GPAT4: variants seen among roughly 807,000 people sequenced by gnomAD.
The protein encoded by GPAT4 is 1-AGP acyltransferase 6.
In GPAT4, 17 loss-of-function variants were observed where a neutral mutation model predicts 58.0. That is an observed-to-expected ratio of 0.29 (90% CI 0.20 to 0.44). The LOEUF is 0.44. Ranked by LOEUF, GPAT4 falls within the 20% of genes least tolerant of loss-of-function variation. The pLI is 1.00. For synonymous variants in GPAT4, 204 were observed against 210.1 expected (o/e 0.97, Z 0.25); for missense variants, 377 against 574.5 (o/e 0.66, Z 3.51).
At chr8:41,600,240 ATGT>A (rs1356664583) in intron 2 of GPAT4, among the ~76,000 whole-genome samples, 1 of 151,826 alleles carries the variant, frequency 6.6e-6, no homozygotes, top group Non-Finnish European at 1.5e-5. Context: ...GGGTTTCACC[ATGT>A]TGTCCAGGCT....
Position 41,599,045 on chromosome 8 carries a change from T to C in GPAT4, c.-95T>C, listed in dbSNP as rs1334611867. 3 of 1,489,052 alleles carry C rather than the reference T, an allele frequency of 2.0e-6. No homozygotes were observed. Among genetic ancestry groups the C allele is most frequent in the East Asian group, 2.3e-5 (1 of 43,648 alleles). 92.2% of individuals were successfully genotyped at this position (1,489,052 alleles called of 1,614,324 possible). On this transcript the variant is annotated 5_prime_UTR_variant, in exon 2 of 13. Transcript: ENST00000396987. Reference sequence around the variant, plus strand: ...GGTTTGCTGTTCTTCGGGAACTTGCTTCCTTTCCCTGGCTGGTGCTGTCAG... The same window carrying C: ...GGTTTGCTGTTCTTCGGGAACTTGCCTCCTTTCCCTGGCTGGTGCTGTCAG...
chr8:41,616,139 A>C (rs1322496160), intron 10 of GPAT4, among the ~76,000 whole-genome samples: 1 of 152,202 alleles, frequency 6.6e-6, no homozygotes, highest in Non-Finnish European at 1.5e-5. Flanking sequence ...ATTCTGGCAA[A>C]ACGAGGACAG....
intron 2 of GPAT4, among the ~76,000 whole-genome samples, chr8:41,606,409 T>A (rs1262413032): frequency 1.3e-5 from 2 of 152,132 alleles, no homozygotes; most frequent in Non-Finnish European, 2.9e-5. Flanking sequence ...TCCTCACACA[T>A]CTGGTATCAG....
chr8:41,601,923 T>C (rs927224359), intron 2 of GPAT4, among the ~76,000 whole-genome samples: 3 of 151,672 alleles, frequency 2.0e-5, no homozygotes, highest in Non-Finnish European at 4.4e-5. Context: ...TGAAGCCACA[T>C]CTTGAAAATT....
intron 1 of GPAT4, among the ~76,000 whole-genome samples, chr8:41,583,661 C>G (rs1477197258): frequency 6.6e-6 from 1 of 152,096 alleles, no homozygotes; most frequent in Non-Finnish European, 1.5e-5. Flanking sequence ...TCCAAGGTCA[C>G]ACGTGGTTAG....
chr8:41,610,223 G>T, intron 4 of GPAT4: 1 of 1,326,450 alleles, frequency 7.5e-7, no homozygotes, highest in Non-Finnish European at 9.6e-7. Flanking sequence ...GGAACATTGT[G>T]TGCTTTCTGC....
intron 1 of GPAT4, among the ~76,000 whole-genome samples, chr8:41,594,172 T>G (rs754270210): frequency 2.6e-5 from 4 of 152,248 alleles, no homozygotes; most frequent in African/African-American, 7.2e-5. Context: ...AAACCCATTG[T>G]GTTTTTATTT....
chr8:41,579,894 T>C (rs1802466722), intron 1 of GPAT4, among the ~76,000 whole-genome samples: 1 of 151,916 alleles, frequency 6.6e-6, no homozygotes, highest in Non-Finnish European at 1.5e-5. Context: ...ATTCGGAACG[T>C]CCTGTTCAAT....
intron 2 of GPAT4, among the ~76,000 whole-genome samples, chr8:41,606,682 G>T (rs1043595416): frequency 2.0e-5 from 3 of 152,200 alleles, no homozygotes; most frequent in Admixed American, 1.3e-4. Context: ...AACAGTGGGG[G>T]CTCCGAGCAT....
rs1187314940 is a variant in GPAT4, at chr8:41,621,258, C to T, written c.*257C>T. On this transcript the variant is annotated 3_prime_UTR_variant, in exon 13 of 13. Transcript: ENST00000396987. Reference sequence around the variant, plus strand: ...ATGCCTTGTTTCTTTTACAATAAGTCGTTGGAGGAATGCCATTAAAGTGAA... The same window carrying T: ...ATGCCTTGTTTCTTTTACAATAAGTTGTTGGAGGAATGCCATTAAAGTGAA... 1.2e-5 allele frequency: 6 copies of T among 517,150 alleles called. No individual in the cohort carries two copies. Among genetic ancestry groups the T allele is most frequent in the Admixed American group, 3.3e-5 (1 of 30,310 alleles). 32.0% of individuals were successfully genotyped at this position (517,150 alleles called of 1,614,324 possible).
Position 41,600,503 on chromosome 8 carries a change from T to A in GPAT4, c.165+1199T>A, listed in dbSNP as rs930894725. On this transcript the variant is annotated intron_variant, in intron 2 of 12. Coordinates refer to ENST00000396987, the MANE Select transcript of GPAT4 (RefSeq NM_178819.4). ...TAAGTGAGCTATGTGAAATGTTACA[T>A]TATAGTGTGAAATATTTTTTATGTT... Among the ~76,000 whole-genome samples, 5 of 152,176 alleles carry A rather than the reference T, an allele frequency of 3.3e-5. No homozygotes were observed. In the South Asian group the frequency reaches 1.0e-3, roughly 31 times the overall value.
chr8:41,592,666 C>T (rs1339246060), intron 1 of GPAT4, among the ~76,000 whole-genome samples: 1 of 152,164 alleles, frequency 6.6e-6, no homozygotes. Context: ...AAATGCTCGG[C>T]TAATTGCAAA....
intron 1 of GPAT4, among the ~76,000 whole-genome samples, chr8:41,587,737 C>G (rs532470028): frequency 1.3e-5 from 2 of 152,294 alleles, no homozygotes; most frequent in African/African-American, 2.4e-5. Context: ...AAAAATCACC[C>G]TTGGTTGGGA....
In GPAT4 at chr8:41,609,409, C is replaced by A; in HGVS notation, c.166-7C>A. On this transcript the variant is annotated splice_polypyrimidine_tract_variant and splice_region_variant and intron_variant, in intron 2 of 12. Transcript: ENST00000396987. ...TGCTCTTGTATCTTGCTTCCTTCCC[C>A]TCCCAGTGGGCTACCTTGAGAATGG... 1 of 1,614,038 alleles carries A rather than the reference C, an allele frequency of 6.2e-7. No individual in the cohort carries two copies. Among genetic ancestry groups the A allele is most frequent in the Middle Eastern group, 1.6e-4 (1 of 6,062 alleles).
At chr8:41,617,539 A>G (rs970614047) in intron 10 of GPAT4, among the ~76,000 whole-genome samples, 2 of 152,158 alleles carry the variant, frequency 1.3e-5, no homozygotes, top group African/African-American at 4.8e-5. Flanking sequence ...AGCCTAAGTT[A>G]TCTTCATTTT....
intron 1 of GPAT4, chr8:41,578,703 G>A (rs1467181125): frequency 6.6e-6 from 1 of 152,334 alleles, no homozygotes; most frequent in East Asian, 1.9e-4. Context: ...GCTGCCGTAA[G>A]ATGCATGTCT....
At position 41,612,073 on chromosome 8, in the gene GPAT4, C is replaced by A. The variant is rs547495415; in HGVS notation, c.701+81C>A. The A allele has an allele frequency of 4.4e-6, 7 of 1,585,818 alleles. No homozygotes were observed. The Admixed American group carries it at 6.7e-5, about 15-fold the overall frequency. ...ACCTATACTTAGCCAAATGGGAAGA[C>A]ACTTCTGAGCTTTTAGTTAGAGCAG... On this transcript the variant is annotated intron_variant, in intron 6 of 12. Coordinates refer to ENST00000396987, the MANE Select transcript of GPAT4 (RefSeq NM_178819.4).
At position 41,612,863 on chromosome 8, in the gene GPAT4, G is replaced by GGACT; in HGVS notation, c.815_818dup (p.Met274ThrfsTer19). 1 of 1,614,064 alleles carries GGACT rather than the reference G, an allele frequency of 6.2e-7. No individual in the cohort carries two copies. Among genetic ancestry groups the GGACT allele is most frequent in the Non-Finnish European group, 8.5e-7 (1 of 1,180,000 alleles). The stretch of plus-strand genomic sequence containing the variant: ...CGCTTAGGTGGGTCAAGTGCACGGG[G>GGACT]GACTCATGGGTGTGATTCAGAGAGC... On this transcript the variant is annotated frameshift_variant, in exon 8 of 13. Coordinates refer to ENST00000396987, the MANE Select transcript of GPAT4 (RefSeq NM_178819.4). LOFTEE classifies it high-confidence loss of function.
rs1803838868 is a variant in GPAT4, at chr8:41,624,005, T to A, written c.*3004T>A. ...GGCATGCACCACCACACCCAGCTAA[T>A]TTTTTGTATTTAGTAGAGACTGGGT... On this transcript the variant is annotated 3_prime_UTR_variant, in exon 13 of 13. Coordinates refer to ENST00000396987, the MANE Select transcript of GPAT4 (RefSeq NM_178819.4). The A allele has an allele frequency of 6.6e-6, 1 of 152,252 alleles. No individual in the cohort carries two copies. Among genetic ancestry groups the A allele is most frequent in the Admixed American group, 6.5e-5 (1 of 15,284 alleles). The allele number at this position is 152,252 out of a possible 1,614,324, so 9.4% of individuals were successfully genotyped here. A position where few individuals can be genotyped will look rare whatever the true frequency, so the allele number is the denominator to read the frequency against.
Sources: allele counts gnomAD v4.1 joint callset (sites outside exome capture counted in the v4.1 genomes callset), GRCh38; gene constraint gnomAD v4.1.1; transcripts MANE v1.5; gene names NCBI Gene and HGNC (gene_info 2026-07-23, HGNC 2026-07-21).